PCDH15: variants seen among roughly 807,000 people sequenced by gnomAD.
PCDH15 encodes the protein protocadherin related 15.
A neutral mutation model predicts 178.5 loss-of-function variants in PCDH15; 129 were observed. The observed-to-expected ratio is 0.72, with a 90% CI of 0.63 to 0.84. The LOEUF (loss-of-function observed/expected upper bound fraction) is 0.84, where lower values mean the gene tolerates loss of function less well. Ranked by LOEUF, PCDH15 falls within the 40% of genes least tolerant of loss-of-function variation. The pLI, the probability that PCDH15 is intolerant of heterozygous loss-of-function variation, is 0.00. For missense variants in PCDH15, 2,230 were observed against 2,099.9 expected (o/e 1.06, Z -1.21); for synonymous variants, 800 against 732.0 (o/e 1.09, Z -1.50).
chr10:53,975,778 T>C (rs1394038192), intron 21 of PCDH15, among the ~76,000 whole-genome samples: 1 of 152,136 alleles, frequency 6.6e-6, no homozygotes, highest in African/African-American at 2.4e-5. Flanking sequence ...GTTTAATTAG[T>C]TCCCACTCAT....
intron 2 of PCDH15, among the ~76,000 whole-genome samples, chr10:55,023,502 A>T (rs1840390735): frequency 6.6e-6 from 1 of 152,176 alleles, no homozygotes; most frequent in South Asian, 2.1e-4. Flanking sequence ...ATGAATTTTT[A>T]AAAGATGCTG....
In PCDH15 at chr10:55,175,685, G is replaced by GA. The variant is rs545434227; in HGVS notation, c.-155-9035dup. Among the ~76,000 whole-genome samples the GA allele has an allele frequency of 7.5e-4, 101 of 134,354 alleles. 1 individual carries two copies. The South Asian group carries it at 0.02, about 27-fold the overall frequency. The allele number at this position is 134,354 out of a possible 152,430, so 88.1% of individuals were successfully genotyped here. ...TCTCAAAAAAAAAAAAAAAGAAAAA[G>GA]AAAAAAAAAGAAAAGAAAAAAGAAA... is the stretch of plus-strand genomic sequence containing the variant. On this transcript the variant is annotated intron_variant, in intron 1 of 5. Transcript: ENST00000458638.
chr10:53,990,701 C>T (rs1393978162), intron 21 of PCDH15, among the ~76,000 whole-genome samples: 1 of 152,104 alleles, frequency 6.6e-6, no homozygotes, highest in African/African-American at 2.4e-5. Context: ...TCGGCGTCCA[C>T]TCTGGCCACA....
intron 2 of PCDH15, among the ~76,000 whole-genome samples, chr10:54,981,043 T>C (rs1839221548): frequency 6.6e-6 from 1 of 151,338 alleles, no homozygotes. Context: ...TAAAAAAAAA[T>C]GGGCAAAAAG....
chr10:55,514,852 G>C (rs139418872), intron 2 of PCDH15, among the ~76,000 whole-genome samples: 2 of 151,986 alleles, frequency 1.3e-5, no homozygotes, highest in Admixed American at 6.6e-5. Flanking sequence ...TCTATTACCT[G>C]CTTAGAGAAA....
chr10:54,146,533 TAA>T (rs748990993), intron 14 of PCDH15, among the ~76,000 whole-genome samples: 30 of 151,966 alleles, frequency 2.0e-4, no homozygotes, highest in East Asian at 5.8e-4. Flanking sequence ...CAAAATAACT[TAA>T]GTGTTTTTTA....
At chr10:55,077,277 G>A (rs1841919044) in intron 2 of PCDH15, among the ~76,000 whole-genome samples, 1 of 151,944 alleles carries the variant, frequency 6.6e-6, no homozygotes, top group Admixed American at 6.6e-5. Flanking sequence ...TACATTCAAG[G>A]TTATTGGTAT....
chr10:55,420,669 T>C (rs1838599719), intron 2 of PCDH15, among the ~76,000 whole-genome samples: 1 of 151,752 alleles, frequency 6.6e-6, no homozygotes, highest in Non-Finnish European at 1.5e-5. Flanking sequence ...AATTATATTT[T>C]ACCTATATTT....
At chr10:54,731,624 T>C (rs1419813879) in intron 1 of PCDH15, among the ~76,000 whole-genome samples, 1 of 144,272 alleles carries the variant, frequency 6.9e-6, no homozygotes, top group Non-Finnish European at 1.5e-5. Context: ...TGTTAAGTCA[T>C]ACAAGAGAAT....
intron 2 of PCDH15, among the ~76,000 whole-genome samples, chr10:54,933,482 C>G (rs1837831817): frequency 6.6e-6 from 1 of 151,352 alleles, no homozygotes; most frequent in Middle Eastern, 3.2e-3. Flanking sequence ...AGTTCATTTC[C>G]TACAACCTGA....
intron 1 of PCDH15, among the ~76,000 whole-genome samples, chr10:54,746,372 T>A (rs1031142520): frequency 1.3e-5 from 2 of 148,346 alleles, no homozygotes; most frequent in Non-Finnish European, 3.0e-5. Context: ...AAACATACAG[T>A]TAGATGAATG....
intron 10 of PCDH15, among the ~76,000 whole-genome samples, chr10:54,204,794 C>A (rs539039688): frequency 1.3e-5 from 2 of 152,152 alleles, no homozygotes; most frequent in East Asian, 3.9e-4. Flanking sequence ...CCTCTTCAAC[C>A]ATCTGTGTTC....
chr10:55,084,462 T>TAAAAAAAAAAAAAAAAAAA (rs71461276), intron 2 of PCDH15, among the ~76,000 whole-genome samples: 1,806 of 143,380 alleles, frequency 0.013, 44 homozygotes, highest in Admixed American at 0.055. Context: ...CCTCAAGCTG[T>TAAAAAAAAAAAAAAAAAAA]AAAAAAAAAA....
At chr10:54,517,380 A>T (rs369320037) in intron 3 of PCDH15, among the ~76,000 whole-genome samples, 3 of 152,038 alleles carry the variant, frequency 2.0e-5, no homozygotes, top group African/African-American at 4.8e-5. Context: ...ACCAAGCAAA[A>T]GGAAAACAAA....
At chr10:54,083,894 T>C (rs894415642) in intron 16 of PCDH15, among the ~76,000 whole-genome samples, 1 of 152,034 alleles carries the variant, frequency 6.6e-6, no homozygotes, top group Non-Finnish European at 1.5e-5. Context: ...TTATAGAAAA[T>C]AGGGTTTGCC....
intron 2 of PCDH15, among the ~76,000 whole-genome samples, chr10:55,329,660 C>A (rs2488825): frequency 0.18 from 27,779 of 151,638 alleles, 2,678 homozygotes; most frequent in Middle Eastern, 0.22. Flanking sequence ...TATTATTTCC[C>A]AATGACATGA....
At chr10:53,826,728 A>AAATAGTG (rs1338245312) in intron 32 of PCDH15, among the ~76,000 whole-genome samples, 7 of 152,262 alleles carry the variant, frequency 4.6e-5, no homozygotes, top group African/African-American at 1.7e-4. Flanking sequence ...ATGATTTTTT[A>AAATAGTG]AATAGTGACT....
intron 9 of PCDH15, among the ~76,000 whole-genome samples, chr10:54,215,858 A>G (rs2051974115): frequency 6.6e-6 from 1 of 151,638 alleles, no homozygotes; most frequent in African/African-American, 2.4e-5. Flanking sequence ...TGCCTGACAC[A>G]GTGAAAGCCC....
intron 2 of PCDH15, among the ~76,000 whole-genome samples, chr10:54,951,575 T>A (rs1044348122): frequency 3.3e-5 from 5 of 151,942 alleles, no homozygotes; most frequent in Admixed American, 3.3e-4. Flanking sequence ...TGGGCAAAGA[T>A]GAAAAGTTAT....
Sources: allele counts gnomAD v4.1 joint callset (sites outside exome capture counted in the v4.1 genomes callset), GRCh38; gene constraint gnomAD v4.1.1; transcripts MANE v1.5; gene names NCBI Gene and HGNC (gene_info 2026-07-23, HGNC 2026-07-21).